The following ERICH1 variants were observed in gnomAD, a reference collection of about 807,000 sequenced individuals.
ERICH1 encodes the protein glutamate-rich protein 1.
ERICH1 carries 56 observed loss-of-function variants against 39.6 expected under a neutral mutation model. The observed-to-expected ratio is 1.41, with a 90% CI of 1.14 to 1.77. The LOEUF (loss-of-function observed/expected upper bound fraction) is 1.77, where lower values mean the gene tolerates loss of function less well. Among genes scored for constraint, ERICH1 ranks in the 40% most tolerant of loss-of-function variants. The pLI is 0.00. For missense variants in ERICH1, 826 were observed against 575.4 expected, an observed-to-expected ratio of 1.44 and a Z score of -4.45; for synonymous variants, 313 against 223.6, an observed-to-expected ratio of 1.40 and a Z score of -3.57.
At chr8:683,343 C>G in intron 3 of ERICH1, among the ~76,000 whole-genome samples, 1 of 152,324 alleles carries the variant, frequency 6.6e-6, no homozygotes. Flanking sequence ...GCTCACATGG[C>G]TCCTGGGACA....
In ERICH1 at chr8:655,699, CCTTCCTT is replaced by C. The variant is rs1344421613; in HGVS notation, c.976+12892_976+12898del. On this transcript the variant is annotated intron_variant, in intron 3 of 3. Coordinates refer to the ERICH1 transcript ENST00000522706. ...TCCTTCCTTCCTTCCTTCCTTCCTT[CCTTCCTT>C]CTTTCCTTCCTCTGTGCCCCACTTC... 9.0e-4 allele frequency among the ~76,000 whole-genome samples: 134 copies of C among 149,468 alleles called. 1 individual carries two copies. The highest frequency in any genetic ancestry group is 2.6e-3 in the African/African-American group (101 of 39,586).
At chr8:652,135 G>A (rs554316890) in intron 3 of ERICH1, among the ~76,000 whole-genome samples, 2 of 152,276 alleles carry the variant, frequency 1.3e-5, no homozygotes, top group East Asian at 3.9e-4. Context: ...CGATTGCCCT[G>A]GTGCTCCATG....
intron 3 of ERICH1, chr8:615,613 G>A (rs1584917767): frequency 4.4e-6 from 1 of 225,444 alleles, no homozygotes; most frequent in East Asian, 9.5e-5. Flanking sequence ...GATCTGCCCA[G>A]GGGAGGCGTG....
At chr8:641,291 A>G (rs898229241) in intron 3 of ERICH1, 2 of 152,256 alleles carry the variant, frequency 1.3e-5, no homozygotes, top group Non-Finnish European at 2.9e-5. Flanking sequence ...ATAATGCCAC[A>G]GCAAACAATC....
At chr8:688,513 C>T (rs1808175611) in intron 3 of ERICH1, among the ~76,000 whole-genome samples, 2 of 151,898 alleles carry the variant, frequency 1.3e-5, no homozygotes, top group African/African-American at 4.8e-5. Context: ...GCCCTCCTGG[C>T]GCTCTTCCCT....
intron 3 of ERICH1, among the ~76,000 whole-genome samples, chr8:622,316 G>C (rs745716161): frequency 9.2e-5 from 14 of 152,172 alleles, no homozygotes; most frequent in Non-Finnish European, 1.6e-4. Flanking sequence ...AGCAAAAGGT[G>C]ATGTTATTAG....
At chr8:615,305 A>G in intron 3 of ERICH1, 1 of 664,240 alleles carries the variant, frequency 1.5e-6, no homozygotes, top group Non-Finnish European at 2.7e-6. Context: ...AGGTTAAGGG[A>G]GATCAGTTGT....
chr8:615,201 T>C (rs925279064), exon 4 of ERICH1: 33 of 666,912 alleles, frequency 4.9e-5, no homozygotes, highest in East Asian at 3.5e-4. Context: ...CCTGGAATTG[T>C]CCAAGTCAGC....
intron 3 of ERICH1, among the ~76,000 whole-genome samples, chr8:649,575 G>C (rs1799671791): frequency 2.6e-5 from 4 of 151,780 alleles, no homozygotes; most frequent in Non-Finnish European, 5.9e-5. Flanking sequence ...ACCTTTGTTG[G>C]ATGTCCAGCA....
At chr8:643,065 C>T (rs896727689) in intron 3 of ERICH1, among the ~76,000 whole-genome samples, 5 of 152,214 alleles carry the variant, frequency 3.3e-5, no homozygotes, top group African/African-American at 9.6e-5. Context: ...ATAAGCACCC[C>T]GCCCCTCACG....
chr8:630,096 C>A (rs1197119011), intron 3 of ERICH1, among the ~76,000 whole-genome samples: 2 of 130,380 alleles, frequency 1.5e-5, no homozygotes, highest in Admixed American at 7.6e-5. Flanking sequence ...ACAGACAGAG[C>A]TGACTCACAC....
At chr8:657,665 C>T (rs1357388816) in intron 3 of ERICH1, among the ~76,000 whole-genome samples, 1 of 151,454 alleles carries the variant, frequency 6.6e-6, no homozygotes, top group East Asian at 1.9e-4. Context: ...TGGAGTTCAT[C>T]TGCGTGGGTT....
intron 4 of ERICH1, among the ~76,000 whole-genome samples, chr8:672,997 G>A (rs1585181250): frequency 6.6e-6 from 1 of 152,234 alleles, no homozygotes; most frequent in Admixed American, 6.5e-5. Context: ...AGGACACGGG[G>A]CCAGCCTGTC....
downstream of ERICH1, among the ~76,000 whole-genome samples, chr8:663,020 G>A (rs1199296288): frequency 6.6e-6 from 1 of 152,244 alleles, no homozygotes; most frequent in South Asian, 2.1e-4. Flanking sequence ...CTCGGGTGAC[G>A]CTGGGAAGAG....
intron 3 of ERICH1, chr8:656,990 C>G (rs986970948): frequency 1.0e-5 from 3 of 300,424 alleles, no homozygotes; most frequent in Non-Finnish European, 1.5e-5. Context: ...TTTACTATTA[C>G]TTAGCAAATG....
At chr8:622,467 G>A (rs1286038833) in intron 3 of ERICH1, among the ~76,000 whole-genome samples, 3 of 152,164 alleles carry the variant, frequency 2.0e-5, no homozygotes, top group Non-Finnish European at 2.9e-5. Flanking sequence ...CCATATCTAT[G>A]AAGCAGAGAA....
At chr8:720,603 C>T (rs1192296248) in intron 1 of ERICH1, among the ~76,000 whole-genome samples, 1 of 152,290 alleles carries the variant, frequency 6.6e-6, no homozygotes, top group Admixed American at 6.5e-5. Context: ...TAATTCACGA[C>T]GGTCAACACA....
intron 1 of ERICH1, among the ~76,000 whole-genome samples, chr8:721,890 G>A (rs1817412403): frequency 6.6e-6 from 1 of 152,178 alleles, no homozygotes; most frequent in South Asian, 2.1e-4. Flanking sequence ...TCTAGATAGA[G>A]GCTGACAAAA....
At chr8:646,547 G>A (rs1468758668) in intron 3 of ERICH1, among the ~76,000 whole-genome samples, 1 of 68,934 alleles carries the variant, frequency 1.5e-5, no homozygotes, top group Non-Finnish European at 4.6e-5. Flanking sequence ...GGGAACTGAT[G>A]GAAGTTGCCA....
Sources: allele counts gnomAD v4.1 joint callset (sites outside exome capture counted in the v4.1 genomes callset), GRCh38; gene constraint gnomAD v4.1.1; transcripts MANE v1.5; gene names NCBI Gene and HGNC (gene_info 2026-07-23, HGNC 2026-07-21).